The following FAT3 variants were observed in gnomAD, a reference collection of about 807,000 sequenced individuals.
The protein encoded by FAT3 is FAT atypical cadherin 3.
In FAT3, 95 loss-of-function variants were observed where a neutral mutation model predicts 310.2. The ratio of observed to expected loss-of-function variants is 0.31; its 90% CI spans 0.26 to 0.36. FAT3 has a LOEUF of 0.36. Ranked by LOEUF, FAT3 falls within the 10% of genes least tolerant of loss-of-function variation. The probability of loss-of-function intolerance (pLI) is 1.00; values close to 1 mark genes in which losing one functional copy is unlikely to be tolerated. For missense variants in FAT3, 5,408 were observed against 5,715.6 expected, an observed-to-expected ratio of 0.95 and a Z score of 1.74; for synonymous variants, 2,314 against 2,192.9, an observed-to-expected ratio of 1.06 and a Z score of -1.54.
chr11:92,559,537 G>A (rs940614886), intron 3 of FAT3: 7 of 297,774 alleles, frequency 2.4e-5, no homozygotes, highest in South Asian at 5.5e-5. Context: ...GGCATGCACC[G>A]CCATGCCCAG....
chr11:92,754,790 T>C (rs1945943276), intron 4 of FAT3, among the ~76,000 whole-genome samples: 1 of 150,836 alleles, frequency 6.6e-6, no homozygotes, highest in Admixed American at 6.6e-5. Context: ...ATCATTTGAA[T>C]CTGAGAGGGG....
chr11:92,797,345 G>A lies in FAT3; in HGVS notation c.4823-491G>A, dbSNP rs571671314. Among the ~76,000 whole-genome samples, 154 of 152,248 alleles carry A rather than the reference G, an allele frequency of 1.0e-3. No individual in the cohort carries two copies. The Middle Eastern group carries it at 0.02, about 20-fold the overall frequency. On this transcript the variant is annotated intron_variant, in intron 9 of 27. Coordinates refer to ENST00000525166, the MANE Select transcript of FAT3 (RefSeq NM_001367949.2). ...GCGAAGTTTGCTTTTGGGATAATCA[G>A]AAAACAACTGACTACTTTATAATGC... is the stretch of plus-strand genomic sequence containing the variant.
In FAT3 at chr11:92,502,877, C is replaced by A. The variant is rs1363172326; in HGVS notation, c.3293-21757C>A. Among the ~76,000 whole-genome samples, 3 of 152,052 alleles carry A rather than the reference C, an allele frequency of 2.0e-5. No individual in the cohort carries two copies. The East Asian group carries it at 5.8e-4, about 29-fold the overall frequency. On this transcript the variant is annotated intron_variant, in intron 2 of 27. Transcript: ENST00000525166. ...TCATGAATGCAAATCCTGCTTCTAT[C>A]ATTTGCGTGATGTAACCTTGAAAAG...
chr11:92,855,908 G>A (rs1489661312), intron 19 of FAT3, among the ~76,000 whole-genome samples: 1 of 149,614 alleles, frequency 6.7e-6, no homozygotes, highest in African/African-American at 2.5e-5. Context: ...ATTTTTTAAT[G>A]TTTATAAGTA....
chr11:92,741,960 C>A (rs1255132197), intron 4 of FAT3, among the ~76,000 whole-genome samples: 2 of 152,082 alleles, frequency 1.3e-5, no homozygotes, highest in Admixed American at 6.5e-5. Flanking sequence ...AGTAGGAAAA[C>A]AAAACAGAAT....
chr11:92,412,732 T>TATACACAC (rs1565296365), intron 2 of FAT3, among the ~76,000 whole-genome samples: 9 of 17,954 alleles, frequency 5.0e-4, no homozygotes, highest in Admixed American at 3.1e-3. Flanking sequence ...TATATATATA[T>TATACACAC]ATATATATAT....
chr11:92,427,965 C>G (rs1950673400), intron 2 of FAT3, among the ~76,000 whole-genome samples: 1 of 152,014 alleles, frequency 6.6e-6, no homozygotes, highest in Admixed American at 6.6e-5. Context: ...CTTTGTACCT[C>G]TGGTAGAATT....
intron 4 of FAT3, among the ~76,000 whole-genome samples, chr11:92,707,458 C>A (rs1224963825): frequency 6.6e-6 from 1 of 152,202 alleles, no homozygotes; most frequent in Non-Finnish European, 1.5e-5. Flanking sequence ...GTAATAGCCT[C>A]AACCTCTGGC....
chr11:92,547,849 G>A (rs1349060062), intron 3 of FAT3, among the ~76,000 whole-genome samples: 1 of 152,178 alleles, frequency 6.6e-6, no homozygotes, highest in Non-Finnish European at 1.5e-5. Flanking sequence ...AGAATTCCTG[G>A]AACTAGAGTT....
chr11:92,545,315 T>G (rs972129408), intron 3 of FAT3, among the ~76,000 whole-genome samples: 3 of 152,222 alleles, frequency 2.0e-5, no homozygotes, highest in South Asian at 2.1e-4. Context: ...CTCATCACTA[T>G]CTAACAAGGT....
chr11:92,589,357 T>C (rs1370459867), intron 3 of FAT3, among the ~76,000 whole-genome samples: 2 of 152,078 alleles, frequency 1.3e-5, no homozygotes, highest in Non-Finnish European at 2.9e-5. Flanking sequence ...AGTGGCAGTC[T>C]TCACCACAGA....
At chr11:92,535,729 T>G (rs188512157) in intron 3 of FAT3, among the ~76,000 whole-genome samples, 1 of 151,310 alleles carries the variant, frequency 6.6e-6, no homozygotes, top group Non-Finnish European at 1.5e-5. Flanking sequence ...GAGAGACTTC[T>G]AAGTCTCTCA....
At chr11:92,874,602 T>TTC (rs1949482116) in intron 22 of FAT3, among the ~76,000 whole-genome samples, 1 of 152,216 alleles carries the variant, frequency 6.6e-6, no homozygotes, top group African/African-American at 2.4e-5. Context: ...TGCAATGGCG[T>TTC]GATCTCGGCT....
chr11:92,526,048 T>A (rs2135366751), intron 3 of FAT3, among the ~76,000 whole-genome samples: 1 of 152,320 alleles, frequency 6.6e-6, no homozygotes, highest in Non-Finnish European at 1.5e-5. Flanking sequence ...GAATCGGGAT[T>A]TGACTTGTAT....
At chr11:92,708,656 G>A (rs918080023) in intron 4 of FAT3, among the ~76,000 whole-genome samples, 4 of 152,194 alleles carry the variant, frequency 2.6e-5, no homozygotes, top group African/African-American at 9.7e-5. Context: ...CTTGTATTAT[G>A]CATTGTATTT....
At position 92,883,317 on chromosome 11, in the gene FAT3, C is replaced by A. The variant is rs752134937; in HGVS notation, c.12861C>A (p.Pro4287=). The change falls in exon 24 of 28, where the codon CCC becomes CCA. Residue 4287 remains proline (P), a synonymous_variant. Coordinates refer to ENST00000525166, the MANE Select transcript of FAT3 (RefSeq NM_001367949.2). This position sits in a 1 kb window ranked among gnomAD's most constrained non-coding sequence, Gnocchi z 4.2. ...RRGVVVCSVA[P]NLPAVSPCRS... ...GCGTGGTCGTGTGCAGTGTGGCCCC[C>A]AACCTCCCCGCCGTGTCACCCTGCC... The A allele has an allele frequency of 6.2e-7, 1 of 1,611,550 alleles. No homozygotes were observed. The highest frequency in any genetic ancestry group is 2.2e-5 in the East Asian group (1 of 44,842).
chr11:92,442,111 A>ATATAT (rs1453396603), intron 2 of FAT3, among the ~76,000 whole-genome samples: 3 of 45,222 alleles, frequency 6.6e-5, no homozygotes, highest in African/African-American at 1.8e-4. Context: ...ATATATATAT[A>ATATAT]TTTTTTTTTT....
At chr11:92,279,367 A>C (rs1946362011) in intron 1 of FAT3, among the ~76,000 whole-genome samples, 1 of 152,146 alleles carries the variant, frequency 6.6e-6, no homozygotes, top group Admixed American at 6.5e-5. Flanking sequence ...AATCTTGTAG[A>C]TTCAAGCAGC....
intron 3 of FAT3, among the ~76,000 whole-genome samples, chr11:92,648,688 C>T (rs1942255728): frequency 6.6e-6 from 1 of 152,196 alleles, no homozygotes; most frequent in Non-Finnish European, 1.5e-5. Context: ...TCATCTCCAC[C>T]TCAGTTTGCT....
Sources: allele counts gnomAD v4.1 joint callset (sites outside exome capture counted in the v4.1 genomes callset), GRCh38; gene constraint gnomAD v4.1.1; non-coding constraint Gnocchi (gnomAD v3.1); transcripts MANE v1.5; gene names NCBI Gene and HGNC (gene_info 2026-07-23, HGNC 2026-07-21).